The following RCAN2 variants were observed in gnomAD, a reference collection of about 807,000 sequenced individuals.
RCAN2 encodes the protein regulator of calcineurin 2.
RCAN2 carries 9 observed loss-of-function variants against 23.6 expected under a neutral mutation model. The ratio of observed to expected loss-of-function variants is 0.38; its 90% CI spans 0.23 to 0.67. The LOEUF (loss-of-function observed/expected upper bound fraction) is 0.67. RCAN2 is among the 30% of genes least tolerant of loss of function. The probability of loss-of-function intolerance (pLI) is 0.51; values close to 1 mark genes in which losing one functional copy is unlikely to be tolerated. For synonymous variants in RCAN2, 109 were observed against 115.7 expected (o/e 0.94, Z 0.37); for missense variants, 273 against 302.3 (o/e 0.90, Z 0.72).
intron 2 of RCAN2, among the ~76,000 whole-genome samples, chr6:46,355,757 T>C (rs1340377998): frequency 6.6e-6 from 1 of 152,214 alleles, no homozygotes; most frequent in Non-Finnish European, 1.5e-5. Context: ...AATGAAATGG[T>C]GTAGAACAAA....
intron 2 of RCAN2, among the ~76,000 whole-genome samples, chr6:46,395,604 AAATAACCACAAATAAAATG>A (rs1766065906): frequency 6.6e-6 from 1 of 152,216 alleles, no homozygotes; most frequent in African/African-American, 2.4e-5. Flanking sequence ...CTTTAAAAAT[AAATAACCACAAATAAAATG>A]AATGATTATG....
At chr6:46,309,698 G>C (rs1221910731) in intron 2 of RCAN2, among the ~76,000 whole-genome samples, 2 of 152,164 alleles carry the variant, frequency 1.3e-5, no homozygotes, top group African/African-American at 4.8e-5. Flanking sequence ...TCTATGAAAA[G>C]GACAGACCTA....
chr6:46,344,840 G>C, intron 2 of RCAN2, among the ~76,000 whole-genome samples: 1 of 120,686 alleles, frequency 8.3e-6, no homozygotes, highest in East Asian at 3.1e-4. Flanking sequence ...CAAATGCCAA[G>C]ATGACAGATT....
chr6:46,290,055 T>G (rs6907350), intron 2 of RCAN2, among the ~76,000 whole-genome samples: 2 of 152,060 alleles, frequency 1.3e-5, no homozygotes, highest in Admixed American at 1.3e-4. Context: ...TGGCAGGGCT[T>G]GCTTCCAGGA....
intron 2 of RCAN2, among the ~76,000 whole-genome samples, chr6:46,340,613 C>T (rs1218477834): frequency 6.6e-6 from 1 of 152,222 alleles, no homozygotes; most frequent in Admixed American, 6.5e-5. Flanking sequence ...ATGGAGCACA[C>T]TCCTATTTCC....
chr6:46,435,574 C>A (rs1302271811), intron 2 of RCAN2, among the ~76,000 whole-genome samples: 1 of 152,206 alleles, frequency 6.6e-6, no homozygotes, highest in Non-Finnish European at 1.5e-5. Flanking sequence ...AACGAATACT[C>A]AAAATTTGCC....
chr6:46,379,080 C>T (rs1382481444), intron 2 of RCAN2, among the ~76,000 whole-genome samples: 2 of 152,170 alleles, frequency 1.3e-5, no homozygotes, highest in Non-Finnish European at 2.9e-5. Context: ...CAAATTAGTT[C>T]TGGCTCTAGT....
chr6:46,440,204 T>C (rs535761488), intron 2 of RCAN2, among the ~76,000 whole-genome samples: 2 of 152,304 alleles, frequency 1.3e-5, no homozygotes, highest in African/African-American at 4.8e-5. Flanking sequence ...CACAAATGAA[T>C]ATTAGAATAA....
intron 4 of RCAN2, among the ~76,000 whole-genome samples, chr6:46,238,857 C>G (rs1192728168): frequency 6.6e-6 from 1 of 152,158 alleles, no homozygotes; most frequent in Non-Finnish European, 1.5e-5. Context: ...CTCAGTGACA[C>G]ATTTTAATAG....
At chr6:46,396,567 C>T (rs976789910) in intron 2 of RCAN2, among the ~76,000 whole-genome samples, 21 of 152,130 alleles carry the variant, frequency 1.4e-4, no homozygotes, top group Non-Finnish European at 2.9e-4. Context: ...CTGGTGTAGG[C>T]AGGGTTGAGA....
intron 1 of RCAN2, among the ~76,000 whole-genome samples, chr6:46,478,042 A>T (rs1361287493): frequency 6.6e-6 from 1 of 152,200 alleles, no homozygotes; most frequent in Non-Finnish European, 1.5e-5. Flanking sequence ...AATAATCAGA[A>T]CTACCATCGG....
At chr6:46,480,865 G>A (rs185028394) in intron 1 of RCAN2, among the ~76,000 whole-genome samples, 247 of 152,230 alleles carry the variant, frequency 1.6e-3, no homozygotes, top group African/African-American at 5.5e-3. Flanking sequence ...CTCGTGATAC[G>A]CCCGCCTCGG....
chr6:46,431,324 G>A (rs995323754), intron 2 of RCAN2, among the ~76,000 whole-genome samples: 3 of 152,066 alleles, frequency 2.0e-5, no homozygotes, highest in Non-Finnish European at 2.9e-5. Flanking sequence ...TCCCACCTCG[G>A]CCTCCTAAAG....
At chr6:46,462,306 A>G (rs1274417416) in intron 1 of RCAN2, among the ~76,000 whole-genome samples, 1 of 152,222 alleles carries the variant, frequency 6.6e-6, no homozygotes, top group Non-Finnish European at 1.5e-5. Context: ...ATCACCAACA[A>G]CAAGATGACA....
intron 2 of RCAN2, among the ~76,000 whole-genome samples, chr6:46,407,981 AAC>A (rs1766448480): frequency 6.6e-6 from 1 of 152,234 alleles, no homozygotes; most frequent in Admixed American, 6.5e-5. Flanking sequence ...CCATCTGGAA[AAC>A]AGCAGCTTTG....
At chr6:46,277,210 T>G (rs189420602) in intron 2 of RCAN2, among the ~76,000 whole-genome samples, 237 of 152,378 alleles carry the variant, frequency 1.6e-3, no homozygotes, top group African/African-American at 5.5e-3. Context: ...TACATCCATC[T>G]CTGTTCTATC....
At chr6:46,300,634 C>T (rs1336144618) in intron 2 of RCAN2, among the ~76,000 whole-genome samples, 1 of 151,892 alleles carries the variant, frequency 6.6e-6, no homozygotes, top group Non-Finnish European at 1.5e-5. Context: ...TCTTTGAAAT[C>T]ATATGTTATG....
intron 2 of RCAN2, among the ~76,000 whole-genome samples, chr6:46,450,466 T>C (rs1475712288): frequency 2.6e-5 from 4 of 152,040 alleles, no homozygotes; most frequent in Non-Finnish European, 4.4e-5. Context: ...TAAAATGAAA[T>C]TGGTGTGTTG....
In RCAN2 at chr6:46,248,704, T is replaced by C. The variant is rs2150318264; in HGVS notation, c.399+19A>G. ...TAATGTAGGGCAAAAAGAATAACTT[T>C]GGTAAACAATTACCTTACCTGTGCA... On this transcript the variant is annotated intron_variant, in intron 3 of 4. Coordinates refer to ENST00000371374, the MANE Select transcript of RCAN2 (RefSeq NM_001251974.2). 1 of 1,546,648 alleles carries C rather than the reference T, an allele frequency of 6.5e-7. No individual in the cohort carries two copies. Among genetic ancestry groups the C allele is most frequent in the South Asian group, 1.2e-5 (1 of 82,412 alleles).
Sources: gnomAD v4.1 joint callset for allele counts (sites outside exome capture counted in the v4.1 genomes callset) on GRCh38, gnomAD v4.1.1 for gene constraint, MANE v1.5 for transcripts, NCBI Gene and HGNC (gene_info 2026-07-23, HGNC 2026-07-21) for gene names.